TFPI: variants seen among roughly 807,000 people sequenced by gnomAD.
The protein encoded by TFPI is anti-convertin.
TFPI carries 15 observed loss-of-function variants against 34.6 expected under a neutral mutation model. The ratio of observed to expected loss-of-function variants is 0.43; its 90% CI spans 0.29 to 0.67. The LOEUF is 0.67. TFPI is among the 30% of genes least tolerant of loss of function. TFPI has a pLI of 0.15. For synonymous variants in TFPI, 105 were observed against 120.1 expected (o/e 0.87, Z 0.82); for missense variants, 301 against 364.0 (o/e 0.83, Z 1.41).
chr2:187,467,656 AATAAAG>A (rs1198340320), intron 7 of TFPI, 91 bp downstream of exon 7: 1 of 1,117,238 alleles, frequency 9.0e-7, no homozygotes, highest in South Asian at 2.7e-5. Flanking sequence ...ACTTTCTTAT[AATAAAG>A]ATAATTAATT....
In TFPI at chr2:187,464,862, ATG is replaced by A. The variant is rs930917524; in HGVS notation, c.*2072_*2073del. ...CCATAGTAGAAAATGATTTGCAATT[ATG>A]TGTTAGGACTTTTCATATTCCATAT... On this transcript the variant is annotated 3_prime_UTR_variant, in exon 8 of 8. Transcript: ENST00000233156. The A allele has an allele frequency of 6.6e-6, 1 of 152,232 alleles. No homozygotes were observed. Among genetic ancestry groups the A allele is most frequent in the African/African-American group, 2.4e-5 (1 of 41,464 alleles). The allele number at this position is 152,232 out of a possible 1,614,324, so 9.4% of individuals were successfully genotyped here. A position where few individuals can be genotyped will look rare whatever the true frequency, so the allele number is the denominator to read the frequency against.
rs8176492 is a variant in TFPI, at chr2:187,490,764, T to G, written c.320-2389A>C. ...TTGAGTATAAATATCACTAGCAATT[T>G]GATTTCTGTTTCTCATTTCTTCTTT... On this transcript the variant is annotated intron_variant, in intron 3 of 7. Transcript: ENST00000233156. Among the ~76,000 whole-genome samples, 746 of 151,880 alleles carry G rather than the reference T, an allele frequency of 4.9e-3. 9 individuals carry two copies. The highest frequency in any genetic ancestry group is 0.017 in the African/African-American group (720 of 41,532).
chr2:187,505,069 A>T (rs1686113206), intron 1 of TFPI, among the ~76,000 whole-genome samples: 1 of 151,984 alleles, frequency 6.6e-6, no homozygotes, highest in African/African-American at 2.4e-5. Flanking sequence ...ATTTATATAG[A>T]TACATGATTT....
At chr2:187,535,991 G>A (rs1480468215) in intron 1 of TFPI, among the ~76,000 whole-genome samples, 1 of 152,086 alleles carries the variant, frequency 6.6e-6, no homozygotes, top group South Asian at 2.1e-4. Context: ...AGAAGAAATG[G>A]ATAAATTCCT....
chr2:187,499,892 A>G (rs1685738490), intron 2 of TFPI, among the ~76,000 whole-genome samples: 1 of 152,172 alleles, frequency 6.6e-6, no homozygotes, highest in Non-Finnish European at 1.5e-5. Flanking sequence ...GAAAACTTGA[A>G]TAAAGATCTG....
At chr2:187,507,183 T>C (rs867311936) in intron 1 of TFPI, among the ~76,000 whole-genome samples, 29 of 152,202 alleles carry the variant, frequency 1.9e-4, no homozygotes, top group African/African-American at 6.5e-4. Context: ...CCTGTGTTAG[T>C]TTGCTGAGAA....
intron 1 of TFPI, among the ~76,000 whole-genome samples, chr2:187,508,914 A>G (rs1686422913): frequency 6.6e-6 from 1 of 152,158 alleles, no homozygotes; most frequent in African/African-American, 2.4e-5. Flanking sequence ...CCCATTCCAT[A>G]TGATATTGGC....
Position 187,516,941 on chromosome 2 carries a change from T to G in TFPI, c.-2-13171A>C, listed in dbSNP as rs1293276439. On this transcript the variant is annotated intron_variant, in intron 1 of 7. Coordinates refer to ENST00000233156, the MANE Select transcript of TFPI (RefSeq NM_006287.6). ...GGACCCCCTTAGAGTTGTAAGCCCC[T>G]AAAAGGGACTGGAATTGCTCACTCG... The G allele has an allele frequency of 2.6e-5, 4 of 152,264 alleles. No individual in the cohort carries two copies. In the East Asian group the frequency reaches 7.7e-4, roughly 29 times the overall value. The allele number at this position is 152,264 out of a possible 1,614,324, so 9.4% of individuals were successfully genotyped here.
At chr2:187,548,934 T>C (rs570645348) in intron 1 of TFPI, among the ~76,000 whole-genome samples, 21 of 152,182 alleles carry the variant, frequency 1.4e-4, no homozygotes, top group African/African-American at 4.6e-4. Context: ...TTCTGGGAAG[T>C]CTAGAATTAG....
In TFPI at chr2:187,488,058, C is replaced by A. The variant is rs907290018; in HGVS notation, c.358+279G>T. Among the ~76,000 whole-genome samples the A allele has an allele frequency of 4.6e-5, 7 of 151,312 alleles. No homozygotes were observed. In the East Asian group the frequency reaches 1.3e-3, roughly 29 times the overall value. Reference sequence around the variant, plus strand: ...ATTAGAGTAAATACGGTGTTTGGAGCCTCCTCTGACAAATATAATGTATAT... The same window carrying A: ...ATTAGAGTAAATACGGTGTTTGGAGACTCCTCTGACAAATATAATGTATAT... On this transcript the variant is annotated intron_variant, in intron 4 of 7. Coordinates refer to ENST00000233156, the MANE Select transcript of TFPI (RefSeq NM_006287.6).
At position 187,478,635 on chromosome 2, in the gene TFPI, G is replaced by A. The variant is rs140876724; in HGVS notation, c.628+5489C>T. 5.3e-4 allele frequency: 855 copies of A among 1,601,942 alleles called. 15 individuals are homozygous for A. The South Asian group carries it at 7.3e-3, about 14-fold the overall frequency. On this transcript the variant is annotated intron_variant, in intron 6 of 7. Coordinates refer to ENST00000233156, the MANE Select transcript of TFPI (RefSeq NM_006287.6). ...AGCAGTATGCTATCAAAGGCATCAC[G>A]TATACATATAAATATTAAGGAAATG...
At position 187,496,875 on chromosome 2, in the gene TFPI, A is replaced by G; in HGVS notation, c.319+6T>C. ...TCTTGAGTAATAAGGGTTCCCAGAA[A>G]CCTACCTCTTGTACACATTTTTTTG... On this transcript the variant is annotated splice_donor_region_variant and intron_variant, in intron 3 of 7. Transcript: ENST00000233156. 1 of 1,612,338 alleles carries G rather than the reference A, an allele frequency of 6.2e-7. No homozygotes were observed. Among genetic ancestry groups the G allele is most frequent in the Non-Finnish European group, 8.5e-7 (1 of 1,179,034 alleles).
At chr2:187,479,587 A>ATATATATATATG (rs1334522876) in intron 6 of TFPI, among the ~76,000 whole-genome samples, 5 of 131,180 alleles carry the variant, frequency 3.8e-5, no homozygotes, top group Non-Finnish European at 8.2e-5. Flanking sequence ...ATATATATAT[A>ATATATATATATG]TATGATTTAA....
At chr2:187,485,735 T>C (rs1414166633) in intron 4 of TFPI, among the ~76,000 whole-genome samples, 1 of 151,628 alleles carries the variant, frequency 6.6e-6, no homozygotes, top group Non-Finnish European at 1.5e-5. Flanking sequence ...GTGATCTACA[T>C]CACCAGCTCT....
rs531151102 is a variant in TFPI, at chr2:187,488,470, C to T, written c.320-95G>A. 46 of 717,352 alleles carry T rather than the reference C, an allele frequency of 6.4e-5. No homozygotes were observed. The South Asian group carries it at 1.0e-3, about 16-fold the overall frequency. The allele number at this position is 717,352 out of a possible 1,614,324, so 44.4% of individuals were successfully genotyped here. ...ACAAACAAGAGTGACATATTTATTA[C>T]CATTAAAATTATTCTTATACAGAAT... On this transcript the variant is annotated intron_variant, in intron 3 of 7. Coordinates refer to ENST00000233156, the MANE Select transcript of TFPI (RefSeq NM_006287.6).
intron 6 of TFPI, among the ~76,000 whole-genome samples, chr2:187,471,972 G>C (rs1225368981): frequency 6.6e-6 from 1 of 151,426 alleles, no homozygotes; most frequent in Non-Finnish European, 1.5e-5. Context: ...CTTTTTTAAA[G>C]TTTTTTTCTC....
chr2:187,488,398 A>G, intron 3 of TFPI, 23 bp from the exon 4 acceptor site: 3 of 1,426,176 alleles, frequency 2.1e-6, no homozygotes, highest in South Asian at 3.1e-5. Context: ...GAATATATGC[A>G]TATCAATTGT....
chr2:187,540,212 C>T (rs909289708), intron 1 of TFPI, among the ~76,000 whole-genome samples: 1 of 152,042 alleles, frequency 6.6e-6, no homozygotes, highest in Non-Finnish European at 1.5e-5. Flanking sequence ...CCACGTCATC[C>T]TCATTTATAA....
At chr2:187,514,910 TAG>T (rs1445415884) in intron 1 of TFPI, 55 of 152,326 alleles carry the variant, frequency 3.6e-4, no homozygotes, top group African/African-American at 1.3e-3. Context: ...AATAAAAATG[TAG>T]ATTGGATAAA....
Sources: gnomAD v4.1 joint callset for allele counts (sites outside exome capture counted in the v4.1 genomes callset) on GRCh38, gnomAD v4.1.1 for gene constraint, MANE v1.5 for transcripts, NCBI Gene and HGNC (gene_info 2026-07-23, HGNC 2026-07-21) for gene names.